NGLY1: variants seen among roughly 807,000 people sequenced by gnomAD.
NGLY1 encodes the protein N-glycanase 1.
A neutral mutation model predicts 84.6 loss-of-function variants in NGLY1; 68 were observed. The ratio of observed to expected loss-of-function variants is 0.80; its 90% CI spans 0.66 to 0.98. The LOEUF (loss-of-function observed/expected upper bound fraction) is 0.98. Ranked by LOEUF, NGLY1 falls within the 50% of genes least tolerant of loss-of-function variation. NGLY1 has a pLI of 0.00. For missense variants in NGLY1, 779 were observed against 770.2 expected (o/e 1.01, Z -0.14); for synonymous variants, 280 against 275.2 (o/e 1.02, Z -0.17).
chr3:25,736,148 G>T lies in NGLY1; in HGVS notation c.1005C>A (p.Asp335Glu). The T allele has an allele frequency of 1.2e-6, 2 of 1,611,378 alleles. No homozygotes were observed. The highest frequency in any genetic ancestry group is 1.7e-6 in the Non-Finnish European group (2 of 1,179,056). The change falls in exon 7 of 12, where the codon GAC becomes GAA. Residue 335 changes from aspartate (D) to glutamate (E), a missense_variant and splice_region_variant. By Grantham distance (45) the Asp-to-Glu change is conservative. Coordinates refer to ENST00000280700, the MANE Select transcript of NGLY1 (RefSeq NM_018297.4). ...GAGAATAGACTTCTGTCCAGACATG[G>T]TCTACTCAAGTAAGAGAAAAGAGAG... is the stretch of plus-strand genomic sequence containing the variant. ...FEARYVWDYT[D>E]HVWTEVYSPS...
intron 4 of NGLY1, among the ~76,000 whole-genome samples, chr3:25,742,175 TTATAA>T (rs1706180395): frequency 6.6e-6 from 1 of 152,184 alleles, no homozygotes; most frequent in South Asian, 2.1e-4. Flanking sequence ...GCAGGATCCA[TTATAA>T]TATAAAAGTA....
chr3:25,781,674 TCAA>T (rs1028850634), intron 1 of NGLY1, among the ~76,000 whole-genome samples: 1 of 152,138 alleles, frequency 6.6e-6, no homozygotes, highest in African/African-American at 2.4e-5. Context: ...TCCAGCCTCA[TCAA>T]CAAGAGCAAA....
At chr3:25,722,288 T>TATAC (rs1705040361) in intron 10 of NGLY1, among the ~76,000 whole-genome samples, 1 of 151,528 alleles carries the variant, frequency 6.6e-6, no homozygotes. Flanking sequence ...TATATATATA[T>TATAC]ATATTCATGT....
intron 1 of NGLY1, among the ~76,000 whole-genome samples, chr3:25,782,572 A>C (rs1708467789): frequency 6.6e-6 from 1 of 152,190 alleles, no homozygotes; most frequent in South Asian, 2.1e-4. Context: ...TGACAGGAGA[A>C]TGAAGGAAAT....
intron 3 of NGLY1, among the ~76,000 whole-genome samples, chr3:25,752,459 A>T (rs1300354860): frequency 6.6e-6 from 1 of 151,884 alleles, no homozygotes; most frequent in Non-Finnish European, 1.5e-5. Flanking sequence ...TGACCTTGTG[A>T]TCCGCCCGCC....
chr3:25,726,555 G>C (rs1424966632), intron 10 of NGLY1, among the ~76,000 whole-genome samples: 1 of 152,176 alleles, frequency 6.6e-6, no homozygotes, highest in East Asian at 1.9e-4. Flanking sequence ...GAGAAGTATA[G>C]GAGGTTCTGT....
chr3:25,781,301 T>A (rs1240702977), intron 1 of NGLY1, among the ~76,000 whole-genome samples: 1 of 152,144 alleles, frequency 6.6e-6, no homozygotes, highest in Admixed American at 6.5e-5. Flanking sequence ...TCTATTTTTC[T>A]CAGTAAAAGT....
chr3:25,786,282 T>TGC (rs1342037364), upstream of NGLY1, among the ~76,000 whole-genome samples: 2 of 150,940 alleles, frequency 1.3e-5, no homozygotes, highest in African/African-American at 4.9e-5. Flanking sequence ...GAGGTTGCCC[T>TGC]ACTGCACTCC....
chr3:25,719,647 A>G lies in NGLY1; in HGVS notation c.1790-12T>C, dbSNP rs759806105. The stretch of plus-strand genomic sequence containing the variant: ...GTGAAGACTGTTATCTGTTAGAGGG[A>G]AAAAAAAAATTAACATTTTGCTTTT... On this transcript the variant is annotated splice_polypyrimidine_tract_variant and intron_variant, in intron 11 of 11. Transcript: ENST00000280700. The G allele has an allele frequency of 7.6e-5, 113 of 1,491,424 alleles. No individual in the cohort carries two copies. Among genetic ancestry groups the G allele is most frequent in the Non-Finnish European group, 9.3e-5 (102 of 1,097,368 alleles). 92.4% of individuals were successfully genotyped at this position (1,491,424 alleles called of 1,614,324 possible).
intron 10 of NGLY1, 152 bp downstream of exon 10, chr3:25,728,981 T>G (rs1010113169): frequency 5.3e-5 from 23 of 434,440 alleles, no homozygotes; most frequent in African/African-American, 4.5e-4. Context: ...TGATTACATA[T>G]TGGGGACAGA....
chr3:25,732,227 CAT>C, intron 9 of NGLY1, 90 bp downstream of exon 9: 1 of 1,144,664 alleles, frequency 8.7e-7, no homozygotes, highest in South Asian at 1.9e-5. Context: ...ACTGAAAGGT[CAT>C]AGTCAATGCA....
At chr3:25,763,941 A>T in intron 3 of NGLY1, 125 bp downstream of exon 3, 1 of 1,247,156 alleles carries the variant, frequency 8.0e-7, no homozygotes. Flanking sequence ...GATGTTTTAG[A>T]GTTATAAGAA....
intron 2 of NGLY1, among the ~76,000 whole-genome samples, chr3:25,776,716 T>C (rs578145026): frequency 1.3e-5 from 2 of 152,174 alleles, no homozygotes; most frequent in African/African-American, 4.8e-5. Flanking sequence ...AACCAAAACA[T>C]AGGTAAGTCC....
intron 2 of NGLY1, among the ~76,000 whole-genome samples, chr3:25,776,636 C>T (rs1708167224): frequency 6.6e-6 from 1 of 152,094 alleles, no homozygotes; most frequent in Admixed American, 6.5e-5. Context: ...TTAGTTTCTC[C>T]CCTAAAACCT....
chr3:25,771,410 T>C (rs767688138), intron 2 of NGLY1, among the ~76,000 whole-genome samples: 15 of 152,218 alleles, frequency 9.9e-5, no homozygotes, highest in African/African-American at 1.7e-4. Context: ...TGCCTATTTT[T>C]ATGCCGGTAC....
At chr3:25,764,497 A>C (rs568429520) in intron 2 of NGLY1, among the ~76,000 whole-genome samples, 186 bp from the exon 3 acceptor site, 2 of 152,236 alleles carry the variant, frequency 1.3e-5, no homozygotes, top group South Asian at 4.2e-4. Flanking sequence ...CTAAACATAA[A>C]CCAGAAAATT....
rs2125466194 is a variant in NGLY1 at position 25,732,435 on chromosome 3, T to C, written c.1309A>G (p.Ile437Val). 1 of 1,613,650 alleles carries C rather than the reference T, an allele frequency of 6.2e-7. No individual in the cohort carries two copies. Among genetic ancestry groups the C allele is most frequent in the Non-Finnish European group, 8.5e-7 (1 of 1,179,658 alleles). Residue 437 changes from isoleucine (I) to valine (V), a missense_variant, in exon 9 of 12, where the codon ATA becomes GTA. Transcript: ENST00000280700. ...ENRRKELLQR[I>V]IVELVEFISP... ...ATAAATTCAACAAGCTCCACAATTA[T>C]CCTCTGGAGAAGTTCTTTCCTTCTG... is the stretch of plus-strand genomic sequence containing the variant.
At chr3:25,785,920 C>T (rs992550678), upstream of NGLY1, among the ~76,000 whole-genome samples, 1 of 152,166 alleles carries the variant, frequency 6.6e-6, no homozygotes, top group Non-Finnish European at 1.5e-5. Context: ...TTAGTTTTGT[C>T]TTCCCTATTT....
At chr3:25,738,117 A>G (rs2125481186) in intron 5 of NGLY1, among the ~76,000 whole-genome samples, 1 of 152,336 alleles carries the variant, frequency 6.6e-6, no homozygotes, top group East Asian at 1.9e-4. Flanking sequence ...AGATTTGGAG[A>G]AGCAAATTCT....
Sources: gnomAD v4.1 joint callset for allele counts (sites outside exome capture counted in the v4.1 genomes callset) on GRCh38, gnomAD v4.1.1 for gene constraint, MANE v1.5 for transcripts, NCBI Gene and HGNC (gene_info 2026-07-23, HGNC 2026-07-21) for gene names.